The following ADGRB3 variants were observed in gnomAD, a reference collection of about 807,000 sequenced individuals.
The protein encoded by ADGRB3 is adhesion G protein-coupled receptor B3, also known as brain-specific angiogenesis inhibitor 3.
In ADGRB3, 37 loss-of-function variants were observed where a neutral mutation model predicts 193.4. That is an observed-to-expected ratio of 0.19 (90% CI 0.15 to 0.25). The LOEUF (loss-of-function observed/expected upper bound fraction) is 0.25, where lower values mean the gene tolerates loss of function less well. Among genes scored for constraint, ADGRB3 ranks in the 10% least tolerant of loss-of-function variants. The pLI, the probability that ADGRB3 is intolerant of heterozygous loss-of-function variation, is 1.00. For missense variants in ADGRB3, 1,637 were observed against 1,852.9 expected (o/e 0.88, Z 2.14); for synonymous variants, 690 against 644.2 (o/e 1.07, Z -1.08).
At chr6:68,689,861 T>A (rs1394189506) in intron 3 of ADGRB3, among the ~76,000 whole-genome samples, 2 of 152,150 alleles carry the variant, frequency 1.3e-5, no homozygotes, top group Non-Finnish European at 2.9e-5. Flanking sequence ...GAAACAAAAG[T>A]TCAGAACAGT....
At chr6:68,782,482 A>G (rs1450435810) in intron 3 of ADGRB3, among the ~76,000 whole-genome samples, 1 of 152,114 alleles carries the variant, frequency 6.6e-6, no homozygotes, top group African/African-American at 2.4e-5. Flanking sequence ...CTTTGTGTAT[A>G]TACCCAGAAA....
chr6:68,966,310 C>G (rs1296250460), intron 8 of ADGRB3, among the ~76,000 whole-genome samples: 1 of 152,076 alleles, frequency 6.6e-6, no homozygotes, highest in East Asian at 1.9e-4. Context: ...TTTCTTTCAA[C>G]CCTTTCTCCA....
At chr6:68,671,060 G>T (rs569715641) in intron 3 of ADGRB3, among the ~76,000 whole-genome samples, 3 of 151,960 alleles carry the variant, frequency 2.0e-5, no homozygotes, top group Non-Finnish European at 2.9e-5. Flanking sequence ...TTTTCAGATT[G>T]TTCACTGTCG....
chr6:68,833,377 A>G (rs1412537820), intron 3 of ADGRB3, among the ~76,000 whole-genome samples: 2 of 151,702 alleles, frequency 1.3e-5, no homozygotes, highest in African/African-American at 4.8e-5. Context: ...TTAATGTTAT[A>G]CTATTCTTGG....
intron 20 of ADGRB3, among the ~76,000 whole-genome samples, chr6:69,246,045 G>A (rs958456385): frequency 1.3e-5 from 2 of 152,056 alleles, no homozygotes; most frequent in African/African-American, 2.4e-5. Context: ...TTTTTCTAGG[G>A]CCTGTTTTAG....
At chr6:69,017,882 T>C (rs926744804) in intron 12 of ADGRB3, among the ~76,000 whole-genome samples, 2 of 151,942 alleles carry the variant, frequency 1.3e-5, no homozygotes, top group African/African-American at 4.8e-5. Flanking sequence ...CCTAAAATTA[T>C]TACCATTATT....
chr6:68,894,710 T>A (rs547786062), intron 3 of ADGRB3, among the ~76,000 whole-genome samples: 1 of 152,116 alleles, frequency 6.6e-6, no homozygotes, highest in South Asian at 2.1e-4. Flanking sequence ...ATCAAAACAC[T>A]AACTCTTTCT....
chr6:68,824,644 T>C (rs1767809227), intron 3 of ADGRB3, among the ~76,000 whole-genome samples: 1 of 148,450 alleles, frequency 6.7e-6, no homozygotes, highest in Middle Eastern at 3.3e-3. Context: ...ATATGTGTTA[T>C]ATATTATAAA....
Position 69,022,418 on chromosome 6 carries a change from T to C in ADGRB3, c.2107+3919T>C, listed in dbSNP as rs1352326727. ...ATTTTTTCAACAAGACAGAAAGTTATTTTTCAATGAAAATATTATTTGAAG... is the reference window on the plus strand; with the variant it reads ...ATTTTTTCAACAAGACAGAAAGTTACTTTTCAATGAAAATATTATTTGAAG... On this transcript the variant is annotated intron_variant, in intron 13 of 31. Transcript: ENST00000370598. 2.0e-5 allele frequency among the ~76,000 whole-genome samples: 3 copies of C among 151,888 alleles called. No individual in the cohort carries two copies. The East Asian group carries it at 5.8e-4, about 29-fold the overall frequency.
intron 17 of ADGRB3, among the ~76,000 whole-genome samples, chr6:69,214,226 C>T (rs940093026): frequency 6.6e-6 from 1 of 152,142 alleles, no homozygotes; most frequent in East Asian, 1.9e-4. Flanking sequence ...CGTTAGTTCC[C>T]TTTTTGTTAC....
chr6:69,369,490 G>A (rs769179185), intron 29 of ADGRB3, among the ~76,000 whole-genome samples: 1 of 152,048 alleles, frequency 6.6e-6, no homozygotes, highest in Non-Finnish European at 1.5e-5. Flanking sequence ...TTGAGCCCAG[G>A]AGTTCAAGAT....
At chr6:69,258,870 C>A (rs1019817654) in intron 20 of ADGRB3, among the ~76,000 whole-genome samples, 1 of 152,090 alleles carries the variant, frequency 6.6e-6, no homozygotes, top group Non-Finnish European at 1.5e-5. Context: ...GCTCCACAGG[C>A]GATTCTGATA....
chr6:69,203,552 C>A (rs1327296076), intron 17 of ADGRB3, among the ~76,000 whole-genome samples: 1 of 151,868 alleles, frequency 6.6e-6, no homozygotes. Flanking sequence ...CTTAAAAGCT[C>A]TCAATATTGC....
At chr6:69,050,188 A>T (rs1245122232) in intron 15 of ADGRB3, among the ~76,000 whole-genome samples, 1 of 152,348 alleles carries the variant, frequency 6.6e-6, no homozygotes, top group African/African-American at 2.4e-5. Flanking sequence ...CAAAACAAAT[A>T]GTCTAATAAA....
intron 17 of ADGRB3, among the ~76,000 whole-genome samples, chr6:69,224,036 T>C (rs1765955905): frequency 6.6e-6 from 1 of 152,040 alleles, no homozygotes; most frequent in South Asian, 2.1e-4. Flanking sequence ...TGGAGAAGTA[T>C]AAAAATATAA....
chr6:68,722,510 T>G (rs1169071923), intron 3 of ADGRB3, among the ~76,000 whole-genome samples: 1 of 151,694 alleles, frequency 6.6e-6, no homozygotes, highest in Non-Finnish European at 1.5e-5. Flanking sequence ...GAGGTATATA[T>G]TTGTGGCTGC....
At chr6:68,981,345 C>T (rs1768904309) in intron 10 of ADGRB3, among the ~76,000 whole-genome samples, 2 of 151,572 alleles carry the variant, frequency 1.3e-5, no homozygotes, top group African/African-American at 2.4e-5. Flanking sequence ...ACTGTGTTTA[C>T]AGCAAATAGT....
intron 3 of ADGRB3, among the ~76,000 whole-genome samples, chr6:68,720,223 G>A (rs935753708): frequency 2.6e-5 from 4 of 151,602 alleles, no homozygotes; most frequent in Admixed American, 6.6e-5. Flanking sequence ...GATTTTTCTG[G>A]TTCTTCAACT....
chr6:68,664,412 C>T (rs1235489249), intron 3 of ADGRB3, among the ~76,000 whole-genome samples: 1 of 151,722 alleles, frequency 6.6e-6, no homozygotes, highest in Non-Finnish European at 1.5e-5. Context: ...ATGGAACTTT[C>T]GTGAATGAGA....
Sources: gnomAD v4.1 joint callset for allele counts (sites outside exome capture counted in the v4.1 genomes callset) on GRCh38, gnomAD v4.1.1 for gene constraint, MANE v1.5 for transcripts, NCBI Gene and HGNC (gene_info 2026-07-23, HGNC 2026-07-21) for gene names.